Variants in ABCG8 observed in about 807,000 individuals in gnomAD.
ABCG8 encodes the protein ATP binding cassette subfamily G member 8, also known as ATP-binding cassette sub-family G member 8.
Under a neutral mutation model 71.3 loss-of-function variants are expected in ABCG8, and 81 were observed. The ratio of observed to expected loss-of-function variants is 1.14; its 90% confidence interval spans 0.95 to 1.37. The LOEUF (loss-of-function observed/expected upper bound fraction) is 1.37, where lower values mean the gene tolerates loss of function less well. Ranked by LOEUF, ABCG8 falls within the 40% of genes most tolerant of loss-of-function variation. The probability of loss-of-function intolerance (pLI) is 0.00; values close to 1 mark genes in which losing one functional copy is unlikely to be tolerated. For missense variants in ABCG8, 1,119 were observed against 866.2 expected, an observed-to-expected ratio of 1.29 and a Z score of -3.66; for synonymous variants, 451 against 354.7, an observed-to-expected ratio of 1.27 and a Z score of -3.05.
At position 43,851,754 on chromosome 2, in the gene ABCG8, G is replaced by C; in HGVS notation, c.493G>C (p.Glu165Gln). The C allele has an allele frequency of 6.2e-7, 1 of 1,614,254 alleles. No individual in the cohort carries two copies. The highest frequency in any genetic ancestry group is 8.5e-7 in the Non-Finnish European group (1 of 1,180,046). Residue 165 changes from glutamate (E) to glutamine (Q), a missense_variant, in exon 4 of 13, where the codon GAG becomes CAG. Glu to Gln is a conservative substitution (Grantham distance 29). Coordinates refer to ENST00000272286, the MANE Select transcript of ABCG8 (RefSeq NM_022437.3). ...NQLLPNLTVR[E>Q]TLAFIAQMRL... ...GCTGCTCCCCAACTTGACTGTGCGAGAGACCTTGGCCTTCATTGCCCAGAT... is the reference window on the plus strand; with the variant it reads ...GCTGCTCCCCAACTTGACTGTGCGACAGACCTTGGCCTTCATTGCCCAGAT...
At chr2:43,851,985 C>A (rs1042983106) in intron 4 of ABCG8, among the ~76,000 whole-genome samples, 163 bp downstream of exon 4, 3 of 152,210 alleles carry the variant, frequency 2.0e-5, no homozygotes, top group Non-Finnish European at 4.4e-5. Context: ...CTCCACCCTC[C>A]TTTCAAACCC....
intron 3 of ABCG8, among the ~76,000 whole-genome samples, chr2:43,850,035 G>A (rs1260704916): frequency 6.6e-6 from 1 of 151,916 alleles, no homozygotes; most frequent in Non-Finnish European, 1.5e-5. Flanking sequence ...CCCCGTCGCT[G>A]CTAAAAATAC....
intron 6 of ABCG8, among the ~76,000 whole-genome samples, chr2:43,856,985 C>G (rs1311377345): frequency 6.6e-6 from 1 of 151,662 alleles, no homozygotes; most frequent in African/African-American, 2.4e-5. Flanking sequence ...AATTCTCACC[C>G]TCTGGATAGA....
At chr2:43,858,009 G>T (rs988310707) in intron 6 of ABCG8, among the ~76,000 whole-genome samples, 1 of 149,548 alleles carries the variant, frequency 6.7e-6, no homozygotes, top group Non-Finnish European at 1.5e-5. Context: ...TCACTCTCTA[G>T]ATAGAACTCT....
Position 43,852,627 on chromosome 2 carries a change from T to G in ABCG8, c.723T>G (p.Ser241=). The change falls in exon 6 of 13, where the codon TCT becomes TCG. Residue 241 remains serine, a synonymous_variant. Coordinates refer to ENST00000272286, the MANE Select transcript of ABCG8 (RefSeq NM_022437.3). The part of the protein sequence containing the change: ...PGILILDEPT[S]GLDSFTAHNL... ...TCCTTATTCTCGACGAACCCACCTC[T>G]GGGCTCGACAGCTTCACAGCCCACA... The G allele has an allele frequency of 6.2e-7, 1 of 1,614,148 alleles. No individual in the cohort carries two copies. Among genetic ancestry groups the G allele is most frequent in the Non-Finnish European group, 8.5e-7 (1 of 1,180,014 alleles).
chr2:43,839,084 C>CAG lies in ABCG8; in HGVS notation c.31_32insAG (p.Leu11GlnfsTer82). 1 of 1,551,260 alleles carries CAG rather than the reference C, an allele frequency of 6.4e-7. No individual in the cohort carries two copies. Among genetic ancestry groups the CAG allele is most frequent in the Non-Finnish European group, 8.7e-7 (1 of 1,146,810 alleles). ...CGGGAAGGCGGCAGAGGAGAGAGGG[C>CAG]TGCCGAAAGGGGCCACTCCCCAGGA... On this transcript the variant is annotated frameshift_variant, in exon 1 of 13. Coordinates refer to ENST00000272286, the MANE Select transcript of ABCG8 (RefSeq NM_022437.3). LOFTEE classifies it high-confidence loss of function.
intron 6 of ABCG8, among the ~76,000 whole-genome samples, chr2:43,864,526 G>A (rs935132544): frequency 1.3e-5 from 2 of 151,390 alleles, no homozygotes; most frequent in Non-Finnish European, 3.0e-5. Flanking sequence ...CTCACCATCT[G>A]TCTGGGTAGA....
intron 3 of ABCG8, chr2:43,846,665 T>C (rs1668752694): frequency 5.7e-6 from 2 of 353,360 alleles, no homozygotes; most frequent in Non-Finnish European, 1.1e-5. Context: ...TTGGTTCAGG[T>C]TGTTCCTCCA....
chr2:43,874,505 C>G, intron 10 of ABCG8, 22 bp downstream of exon 10: 1 of 1,498,828 alleles, frequency 6.7e-7, no homozygotes, highest in Non-Finnish European at 9.0e-7. Flanking sequence ...GGGTTGAGAG[C>G]AAGTGCCCCC....
rs1461379287 is a variant in ABCG8 at position 43,843,680 on chromosome 2, C to T, written c.64-827C>T. 2.6e-5 allele frequency among the ~76,000 whole-genome samples: 4 copies of T among 152,064 alleles called. No individual in the cohort carries two copies. The East Asian group carries it at 7.7e-4, about 29-fold the overall frequency. ...AGAAAAAGAAATGATGGGGGACTTC[C>T]TGTTGCTTCTTTGTTTGGGCCTCAA... is the stretch of plus-strand genomic sequence containing the variant. On this transcript the variant is annotated intron_variant, in intron 1 of 12. Coordinates refer to ENST00000272286, the MANE Select transcript of ABCG8 (RefSeq NM_022437.3).
At chr2:43,840,386 C>T (rs1030031261) in intron 1 of ABCG8, among the ~76,000 whole-genome samples, 1 of 152,172 alleles carries the variant, frequency 6.6e-6, no homozygotes, top group Non-Finnish European at 1.5e-5. Context: ...ACACTTCCTG[C>T]CTGGGAGGGC....
chr2:43,854,401 G>C (rs1297494037), intron 6 of ABCG8, among the ~76,000 whole-genome samples: 5 of 152,152 alleles, frequency 3.3e-5, no homozygotes, highest in Non-Finnish European at 7.4e-5. Flanking sequence ...GCTGAGGCAG[G>C]CAGATCACAT....
chr2:43,843,686 CTTCT>C (rs1668650538), intron 1 of ABCG8, among the ~76,000 whole-genome samples: 1 of 152,072 alleles, frequency 6.6e-6, no homozygotes, highest in African/African-American at 2.4e-5. Flanking sequence ...CTTCCTGTTG[CTTCT>C]TTGTTTGGGC....
At chr2:43,857,581 C>T (rs1669157946) in intron 6 of ABCG8, among the ~76,000 whole-genome samples, 1 of 151,632 alleles carries the variant, frequency 6.6e-6, no homozygotes, top group Admixed American at 6.6e-5. Context: ...AATTCTCACT[C>T]TCTCGATAGA....
chr2:43,873,961 C>A lies in ABCG8; in HGVS notation c.1386C>A (p.Asn462Lys). Reference sequence around the variant, plus strand: ...TGATCGGTGCTCTCATCCCTTTCAACGTCATTCTGGATGTCATCTCCAAAT... The same window carrying A: ...TGATCGGTGCTCTCATCCCTTTCAAAGTCATTCTGGATGTCATCTCCAAAT... Reference protein sequence around the residue: ...LFMIGALIPFNVILDVISKCY... With the variant: ...LFMIGALIPFKVILDVISKCY... Residue 462 changes from asparagine to lysine, a missense_variant, in exon 9 of 13, where the codon AAC becomes AAA. By Grantham distance (94) the Asn-to-Lys change is moderately conservative. Coordinates refer to ENST00000272286, the MANE Select transcript of ABCG8 (RefSeq NM_022437.3). 6.2e-7 allele frequency: 1 copy of A among 1,614,090 alleles called. No homozygotes were observed. The highest frequency in any genetic ancestry group is 1.1e-5 in the South Asian group (1 of 91,074).
Position 43,879,722 on chromosome 2 carries a change from C to A in ABCG8, c.*1809C>A, listed in dbSNP as rs1670074907. On this transcript the variant is annotated 3_prime_UTR_variant, in exon 13 of 13. Coordinates refer to ENST00000272286, the MANE Select transcript of ABCG8 (RefSeq NM_022437.3). ...TAGGAACAGTTTGTCAACTTTCCTT[C>A]ACTTTTGTGACCTTGATACTTGAGT... The A allele has an allele frequency of 1.3e-5, 2 of 152,178 alleles. No homozygotes were observed. Among genetic ancestry groups the A allele is most frequent in the African/African-American group, 4.8e-5 (2 of 41,448 alleles). 9.4% of individuals were successfully genotyped at this position (152,178 alleles called of 1,614,324 possible). A position where few individuals can be genotyped will look rare whatever the true frequency, so the allele number is the denominator to read the frequency against.
chr2:43,842,081 C>G (rs989003189), intron 1 of ABCG8, among the ~76,000 whole-genome samples: 2 of 152,090 alleles, frequency 1.3e-5, no homozygotes, highest in African/African-American at 4.8e-5. Context: ...ATCTCGGCTC[C>G]CTGCACCTCC....
rs763649274 is a variant in ABCG8, at chr2:43,877,912, G to A, written c.2021G>A (p.Ter674=). ...AAACAGAAACCAAGTCAAGACTGGT[G>A]ATTCACGCCAGACGTCTGCCCGCTG... ...FIKQKPSQDW[*] The change falls in exon 13 of 13, where the codon TGA becomes TAA. Residue 674 remains the stop codon, a stop_retained_variant. Transcript: ENST00000272286. 1 of 1,614,118 alleles carries A rather than the reference G, an allele frequency of 6.2e-7. No individual in the cohort carries two copies. The highest frequency in any genetic ancestry group is 1.7e-5 in the Admixed American group (1 of 60,020).
intron 6 of ABCG8, among the ~76,000 whole-genome samples, chr2:43,871,454 G>A (rs1472810454): frequency 6.6e-6 from 1 of 150,726 alleles, no homozygotes; most frequent in Admixed American, 6.6e-5. Flanking sequence ...CTCCCCATCT[G>A]GATTGAACTC....
Sources: allele counts gnomAD v4.1 joint callset (sites outside exome capture counted in the v4.1 genomes callset), GRCh38; gene constraint gnomAD v4.1.1; transcripts MANE v1.5; gene names NCBI Gene and HGNC (gene_info 2026-07-23, HGNC 2026-07-21).